Variants in LRRN2 observed in about 807,000 individuals in gnomAD.
The protein encoded by LRRN2 is leucine rich repeat neuronal 2.
In LRRN2, 10 loss-of-function variants were observed where a neutral mutation model predicts 35.7. The observed-to-expected ratio is 0.28, with a 90% CI of 0.17 to 0.47. The LOEUF (loss-of-function observed/expected upper bound fraction) is 0.47. LRRN2 is among the 20% of genes least tolerant of loss of function. The pLI is 0.99. For synonymous variants in LRRN2, 391 were observed against 409.6 expected, an observed-to-expected ratio of 0.95 and a Z score of 0.55; for missense variants, 731 against 940.3, an observed-to-expected ratio of 0.78 and a Z score of 2.91.
intron 1 of LRRN2, among the ~76,000 whole-genome samples, chr1:204,682,130 TG>T (rs1668967824): frequency 6.6e-6 from 1 of 152,230 alleles, no homozygotes; most frequent in African/African-American, 2.4e-5. Flanking sequence ...ATTCATTAGA[TG>T]GGCCATAGAT....
intron 1 of LRRN2, among the ~76,000 whole-genome samples, chr1:204,676,139 CGTGTGTGTGT>C (rs56189865): frequency 2.6e-4 from 38 of 148,966 alleles, no homozygotes; most frequent in East Asian, 1.2e-3. Context: ...TACATGGAGC[CGTGTGTGTGT>C]GTGTGTGTGT....
intron 1 of LRRN2, among the ~76,000 whole-genome samples, chr1:204,682,517 C>T (rs1348863095): frequency 6.6e-6 from 1 of 152,144 alleles, no homozygotes; most frequent in Non-Finnish European, 1.5e-5. Context: ...CTATATGACC[C>T]GGAGCAAGTG....
At chr1:204,652,278 C>CTT (rs1668252747) in intron 1 of LRRN2, among the ~76,000 whole-genome samples, 1 of 132,394 alleles carries the variant, frequency 7.6e-6, no homozygotes, top group Non-Finnish European at 1.6e-5. Context: ...CCCGCCCCCC[C>CTT]GCCGCCTTCC....
intron 1 of LRRN2, among the ~76,000 whole-genome samples, chr1:204,668,061 G>A (rs763908755): frequency 6.6e-5 from 10 of 152,272 alleles, no homozygotes; most frequent in South Asian, 2.1e-4. Context: ...CATTCCTGGC[G>A]TGGAATGAAT....
chr1:204,624,760 C>CAG (rs1157076706), intron 1 of LRRN2, among the ~76,000 whole-genome samples: 1 of 140,058 alleles, frequency 7.1e-6, no homozygotes, highest in Non-Finnish European at 1.6e-5. Flanking sequence ...CCCCCACCCC[C>CAG]CCCCCCGGGA....
intron 1 of LRRN2, among the ~76,000 whole-genome samples, chr1:204,640,437 T>C (rs1667952796): frequency 6.6e-6 from 1 of 152,172 alleles, no homozygotes; most frequent in African/African-American, 2.4e-5. Context: ...GGATGCGTTA[T>C]TATTATCAGA....
intron 1 of LRRN2, among the ~76,000 whole-genome samples, chr1:204,657,327 T>C (rs949275335): frequency 7.0e-5 from 6 of 85,796 alleles, no homozygotes; most frequent in Non-Finnish European, 1.5e-4. Context: ...TATGTGTCTA[T>C]ATATATGTAT....
Position 204,653,704 on chromosome 1 carries a change from T to A in LRRN2, c.-227+31616A>T, listed in dbSNP as rs1400742840. ...AGTGAGACTCTGTCTCCACAAAATA[T>A]TTAAAAAATTAGCCAGGTGTGGTGG... On this transcript the variant is annotated intron_variant, in intron 1 of 1. Transcript: ENST00000367177. Among the ~76,000 whole-genome samples, 3 of 151,058 alleles carry A rather than the reference T, an allele frequency of 2.0e-5. No homozygotes were observed. In the East Asian group the frequency reaches 5.8e-4, roughly 29 times the overall value.
intron 1 of LRRN2, among the ~76,000 whole-genome samples, chr1:204,676,480 A>G (rs553133089): frequency 5.3e-4 from 80 of 152,092 alleles, no homozygotes; most frequent in Non-Finnish European, 9.7e-4. Context: ...ATGGCCTCTC[A>G]TTCTTCCATA....
At chr1:204,645,511 C>G (rs1441727444) in intron 1 of LRRN2, among the ~76,000 whole-genome samples, 1 of 152,188 alleles carries the variant, frequency 6.6e-6, no homozygotes, top group East Asian at 1.9e-4. Context: ...CGACAAGGCA[C>G]TTTCTCATAT....
chr1:204,631,301 TATGA>T (rs1667697658), intron 1 of LRRN2, among the ~76,000 whole-genome samples: 1 of 112,654 alleles, frequency 8.9e-6, no homozygotes, highest in Admixed American at 9.0e-5. Context: ...TATATATATA[TATGA>T]AGAGCTGCTT....
chr1:204,676,710 G>C lies in LRRN2; in HGVS notation c.-227+8610C>G, dbSNP rs1571686357. 2.0e-5 allele frequency among the ~76,000 whole-genome samples: 3 copies of C among 152,224 alleles called. No individual in the cohort carries two copies. The East Asian group carries it at 5.8e-4, about 29-fold the overall frequency. Reference sequence around the variant, plus strand: ...TTCCCACTTCTATCATATGTCCCAGGGGATCCCGGAAAAGAAATGTGATGA... The same window carrying C: ...TTCCCACTTCTATCATATGTCCCAGCGGATCCCGGAAAAGAAATGTGATGA... On this transcript the variant is annotated intron_variant, in intron 1 of 1. Coordinates refer to ENST00000367177, the MANE Select transcript of LRRN2 (RefSeq NM_201630.2).
intron 1 of LRRN2, among the ~76,000 whole-genome samples, chr1:204,641,476 A>G (rs1667975527): frequency 6.6e-6 from 1 of 152,246 alleles, no homozygotes; most frequent in Admixed American, 6.5e-5. Context: ...CATCTATGAA[A>G]TGGGGATAAA....
At chr1:204,658,572 T>C (rs1286377619) in intron 1 of LRRN2, among the ~76,000 whole-genome samples, 2 of 152,158 alleles carry the variant, frequency 1.3e-5, no homozygotes, top group East Asian at 1.9e-4. Flanking sequence ...GGGACAGACA[T>C]GGGGTGACAT....
At chr1:204,650,244 C>G (rs953578195) in intron 1 of LRRN2, among the ~76,000 whole-genome samples, 3 of 152,232 alleles carry the variant, frequency 2.0e-5, no homozygotes, top group Admixed American at 2.0e-4. Context: ...AAATTAAAAT[C>G]AGGAGTGAGA....
intron 1 of LRRN2, among the ~76,000 whole-genome samples, chr1:204,626,051 G>T (rs1467930197): frequency 6.6e-6 from 1 of 152,142 alleles, no homozygotes; most frequent in East Asian, 1.9e-4. Flanking sequence ...CAAGAGGATG[G>T]ATTGGGGGTG....
chr1:204,620,633 G>C (rs1423993783), intron 1 of LRRN2: 2 of 171,890 alleles, frequency 1.2e-5, no homozygotes, highest in Non-Finnish European at 2.8e-5. Flanking sequence ...GGCCAGGCCT[G>C]TCCTTAAGGC....
In LRRN2 at chr1:204,619,033, G is replaced by A. The variant is rs1358402593; in HGVS notation, c.960C>T (p.Asn320=). The change falls in exon 2 of 2, where the codon AAC becomes AAT. Residue 320 remains asparagine (N), a synonymous_variant. Transcript: ENST00000367177. ...PELTKLDITN[N]PRLSFIHPRA... ...GGGGGTGGATGAAGGACAGCCGTGGGTTATTGGTGATGTCCAGCTTGGTCA... is the reference window on the plus strand; with the variant it reads ...GGGGGTGGATGAAGGACAGCCGTGGATTATTGGTGATGTCCAGCTTGGTCA... 6.2e-7 allele frequency: 1 copy of A among 1,608,158 alleles called. No individual in the cohort carries two copies. Among genetic ancestry groups the A allele is most frequent in the African/African-American group, 1.3e-5 (1 of 74,852 alleles).
rs1558394797 is a variant in LRRN2 at position 204,619,798 on chromosome 1, C to CG, written c.194dup (p.Ala66GlyfsTer23). On this transcript the variant is annotated frameshift_variant, in exon 2 of 2. Transcript: ENST00000367177. LOFTEE classifies it high-confidence loss of function. ...GGGTCTGTGTGCCTGCGGGGAGTGC[C>CG]GGGGGGACTGCCGTCAGGAATAGGT... 6.2e-7 allele frequency: 1 copy of CG among 1,614,020 alleles called. No individual in the cohort carries two copies. The highest frequency in any genetic ancestry group is 8.5e-7 in the Non-Finnish European group (1 of 1,179,952).
Sources: allele counts gnomAD v4.1 joint callset (sites outside exome capture counted in the v4.1 genomes callset), GRCh38; gene constraint gnomAD v4.1.1; transcripts MANE v1.5; gene names NCBI Gene and HGNC (gene_info 2026-07-23, HGNC 2026-07-21).